Variants in ALDH3A2 observed in about 807,000 individuals in gnomAD.
The protein encoded by ALDH3A2 is aldehyde dehydrogenase family 3 member A2.
ALDH3A2 carries 36 observed loss-of-function variants against 51.3 expected under a neutral mutation model. The observed-to-expected ratio is 0.70, with a 90% CI of 0.54 to 0.93. ALDH3A2 has a LOEUF of 0.93. Among genes scored for constraint, ALDH3A2 ranks in the 40% least tolerant of loss-of-function variants. The pLI is 0.00. For synonymous variants in ALDH3A2, 199 were observed against 219.8 expected (o/e 0.91, Z 0.84); for missense variants, 552 against 603.1 (o/e 0.92, Z 0.89).
At chr17:19,659,961 A>G (rs1218349105) in intron 5 of ALDH3A2, among the ~76,000 whole-genome samples, 1 of 152,056 alleles carries the variant, frequency 6.6e-6, no homozygotes, top group Non-Finnish European at 1.5e-5. Context: ...TGGAAATTGG[A>G]CTATCATTTT....
intron 3 of ALDH3A2, among the ~76,000 whole-genome samples, chr17:19,653,283 G>A (rs1961902150): frequency 6.6e-6 from 1 of 152,096 alleles, no homozygotes; most frequent in South Asian, 2.1e-4. Flanking sequence ...GACCTCAGGT[G>A]ATCCGCCCAG....
At position 19,654,872 on chromosome 17, in the gene ALDH3A2, C is replaced by G. The variant is rs2084874105; in HGVS notation, c.472-1494C>G. 6.6e-6 allele frequency among the ~76,000 whole-genome samples: 1 copy of G among 152,182 alleles called. No homozygotes were observed. The highest frequency in any genetic ancestry group is 1.5e-5 in the Non-Finnish European group (1 of 68,026). On this transcript the variant is annotated intron_variant, in intron 3 of 9. Transcript: ENST00000176643. The surrounding 1 kb of genome is among the most constrained non-coding windows in gnomAD (Gnocchi z 4.5). ...GTTGCCCGCACGCTCTCACCTCTCACCCAGCCTATAAGAGTACTTCTGCTT... is the reference window on the plus strand; with the variant it reads ...GTTGCCCGCACGCTCTCACCTCTCAGCCAGCCTATAAGAGTACTTCTGCTT...
chr17:19,662,859 G>A (rs1210649111), intron 6 of ALDH3A2, among the ~76,000 whole-genome samples: 1 of 152,054 alleles, frequency 6.6e-6, no homozygotes, highest in Non-Finnish European at 1.5e-5. Context: ...TACAAAACTA[G>A]CCGGGCGTGG....
intron 9 of ALDH3A2, chr17:19,674,852 TTC>T (rs1453792265): frequency 6.6e-6 from 1 of 152,280 alleles, no homozygotes; most frequent in African/African-American, 2.4e-5. Context: ...AATTACATTT[TTC>T]TGAAATGGCT....
At position 19,648,824 on chromosome 17, in the gene ALDH3A2, T is replaced by G. The variant is rs1281223625; in HGVS notation, c.-148T>G. The stretch of plus-strand genomic sequence containing the variant: ...AGGTCGCGGCTGAGCGAGCGAGCCC[T>G]GGGCGAGTGAATTGTGGCTGTGGGT... On this transcript the variant is annotated 5_prime_UTR_variant, in exon 1 of 10. Coordinates refer to ENST00000176643, the MANE Select transcript of ALDH3A2 (RefSeq NM_000382.3). The G allele has an allele frequency of 6.5e-5, 74 of 1,130,608 alleles. 1 individual carries two copies. The South Asian group carries it at 1.0e-3, about 16-fold the overall frequency. The allele number at this position is 1,130,608 out of a possible 1,614,324, so 70.0% of individuals were successfully genotyped here.
intron 3 of ALDH3A2, chr17:19,652,833 A>G (rs958830277): frequency 3.4e-6 from 2 of 595,124 alleles, no homozygotes; most frequent in East Asian, 5.8e-5. Context: ...TCTTGGGGTT[A>G]CACAATATAT....
chr17:19,648,593 G>A (rs1209677635), upstream of ALDH3A2: 3 of 242,412 alleles, frequency 1.2e-5, no homozygotes, highest in Non-Finnish European at 2.4e-5. Context: ...CCCCTGGCCC[G>A]TGGCCGCGCT....
At chr17:19,665,239 T>C (rs1466318932) in intron 8 of ALDH3A2, among the ~76,000 whole-genome samples, 192 bp downstream of exon 8, 1 of 151,970 alleles carries the variant, frequency 6.6e-6, no homozygotes, top group East Asian at 1.9e-4. Context: ...ATAGGGCAAA[T>C]GTCTTGTCAC....
At chr17:19,660,319 C>CT (rs1279568799) in intron 5 of ALDH3A2, among the ~76,000 whole-genome samples, 1 of 152,066 alleles carries the variant, frequency 6.6e-6, no homozygotes, top group Admixed American at 6.6e-5. Flanking sequence ...CTGTTGGTGA[C>CT]TCTCGAGTCA....
At chr17:19,648,578 G>A, upstream of ALDH3A2, 1 of 219,378 alleles carries the variant, frequency 4.6e-6, no homozygotes, top group South Asian at 6.5e-5. Context: ...CCTACACCCC[G>A]CCGCCCCCTG....
At chr17:19,663,005 CA>C (rs201246130) in intron 6 of ALDH3A2, among the ~76,000 whole-genome samples, 2 of 146,986 alleles carry the variant, frequency 1.4e-5, no homozygotes, top group Non-Finnish European at 1.5e-5. Flanking sequence ...AACTCCATCT[CA>C]AAAAAAAAAC....
At chr17:19,656,026 A>T in intron 3 of ALDH3A2, 1 of 368,190 alleles carries the variant, frequency 2.7e-6, no homozygotes, top group Non-Finnish European at 5.2e-6. Context: ...TGTGGGAGCC[A>T]CTCTTCACCA....
intron 1 of ALDH3A2, among the ~76,000 whole-genome samples, chr17:19,650,866 C>T (rs952953934): frequency 2.6e-5 from 4 of 152,184 alleles, no homozygotes; most frequent in East Asian, 1.9e-4. Flanking sequence ...TTTAATAAGT[C>T]GTAATAGTGG....
chr17:19,669,207 G>A (rs903709786), intron 8 of ALDH3A2, among the ~76,000 whole-genome samples: 7 of 151,962 alleles, frequency 4.6e-5, no homozygotes, highest in Non-Finnish European at 1.5e-5. Context: ...GGAGGCTGAG[G>A]CAGAAGAATC....
chr17:19,649,029 C>G lies in ALDH3A2; in HGVS notation c.58C>G (p.Leu20Val), dbSNP rs2084776187. Reference protein sequence around the residue: ...QAFLSGRSRPLRFRLQQLEAL... With the variant: ...QAFLSGRSRPVRFRLQQLEAL... ...GTTCCTGTCCGGCCGGTCGCGACCT[C>G]TGCGGTTTCGGCTGCAGCAGCTGGA... is the stretch of plus-strand genomic sequence containing the variant. The change falls in exon 1 of 10, where the codon CTG becomes GTG. Residue 20 changes from leucine to valine, a missense_variant. Physicochemically the swap from Leu to Val is conservative, Grantham distance 32. Coordinates refer to ENST00000176643, the MANE Select transcript of ALDH3A2 (RefSeq NM_000382.3). 6.3e-7 allele frequency: 1 copy of G among 1,583,106 alleles called. No homozygotes were observed. The highest frequency in any genetic ancestry group is 8.6e-7 in the Non-Finnish European group (1 of 1,165,004).
intron 8 of ALDH3A2, among the ~76,000 whole-genome samples, chr17:19,667,562 T>C (rs921249167): frequency 2.0e-5 from 3 of 152,274 alleles, no homozygotes; most frequent in African/African-American, 7.2e-5. Context: ...GATTTTTCTT[T>C]TTTTTTTCTT....
chr17:19,654,697 C>T lies in ALDH3A2; in HGVS notation c.472-1669C>T, dbSNP rs1226694080. Among the ~76,000 whole-genome samples the T allele has an allele frequency of 2.0e-5, 3 of 151,980 alleles. No homozygotes were observed. Among genetic ancestry groups the T allele is most frequent in the African/African-American group, 2.4e-5 (1 of 41,400 alleles). The stretch of plus-strand genomic sequence containing the variant: ...AGCCCCGGTTCCTGCCTGCGCCTCT[C>T]CCTCCACACCTTCCCACAAGCAGAA... On this transcript the variant is annotated intron_variant, in intron 3 of 9. Transcript: ENST00000176643. The surrounding 1 kb of genome is among the most constrained non-coding windows in gnomAD (Gnocchi z 4.5).
At chr17:19,652,153 T>C (rs1312680139) in intron 2 of ALDH3A2, among the ~76,000 whole-genome samples, 3 of 152,198 alleles carry the variant, frequency 2.0e-5, no homozygotes, top group African/African-American at 4.8e-5. Flanking sequence ...ATGAGAGTAA[T>C]GCTAGCTTGG....
chr17:19,657,687 A>G lies in ALDH3A2; in HGVS notation c.681-58A>G, dbSNP rs770314692. 3 of 1,226,790 alleles carry G rather than the reference A, an allele frequency of 2.4e-6. No homozygotes were observed. In the East Asian group the frequency reaches 7.4e-5, roughly 30 times the overall value. 76.0% of individuals were successfully genotyped at this position (1,226,790 alleles called of 1,614,324 possible). ...GACATTCAAACAACACAATGTAACA[A>G]ATGAATATTTGACTGAATTACTGAA... On this transcript the variant is annotated intron_variant, in intron 4 of 9. Coordinates refer to ENST00000176643, the MANE Select transcript of ALDH3A2 (RefSeq NM_000382.3).
Sources: allele counts gnomAD v4.1 joint callset (sites outside exome capture counted in the v4.1 genomes callset), GRCh38; gene constraint gnomAD v4.1.1; non-coding constraint Gnocchi (gnomAD v3.1); transcripts MANE v1.5; gene names NCBI Gene and HGNC (gene_info 2026-07-23, HGNC 2026-07-21).